Variants in UGT2A3 observed in about 807,000 individuals in gnomAD.
UGT2A3 encodes the protein UDP glucuronosyltransferase family 2 member A3.
UGT2A3 carries 55 observed loss-of-function variants against 44.1 expected under a neutral mutation model. The observed-to-expected ratio is 1.25, with a 90% CI of 1.00 to 1.56. The LOEUF (loss-of-function observed/expected upper bound fraction) is 1.56. UGT2A3 is among the 40% of genes most tolerant of loss of function. UGT2A3 has a pLI of 0.00. For missense variants in UGT2A3, 733 were observed against 621.6 expected (o/e 1.18, Z -1.91); for synonymous variants, 243 against 215.1 (o/e 1.13, Z -1.13).
At chr4:68,944,433 A>G (rs1047188293) in intron 2 of UGT2A3, among the ~76,000 whole-genome samples, 2 of 151,822 alleles carry the variant, frequency 1.3e-5, no homozygotes, top group Non-Finnish European at 2.9e-5. Context: ...CAGTGAACTC[A>G]AGACATACTT....
chr4:68,951,216 C>T lies in UGT2A3; in HGVS notation c.545G>A (p.Cys182Tyr), dbSNP rs1255921747. The change falls in exon 1 of 6, where the codon TGT (cysteine) becomes TAT (tyrosine). Residue 182 changes from cysteine to tyrosine, a missense_variant. Cys to Tyr is a radical substitution (Grantham distance 194, BLOSUM62 -2). Transcript: ENST00000251566. ...GGAAAGTGGAGCTGGAAGTTTCCCA[C>T]AGCTTCGCTCCATATTGCCTCCTAC... The part of the protein sequence containing the change: ...ISVGGNMERS[C>Y]GKLPAPLSYV... 1 of 1,611,846 alleles carries T rather than the reference C, an allele frequency of 6.2e-7. No homozygotes were observed. The highest frequency in any genetic ancestry group is 8.5e-7 in the Non-Finnish European group (1 of 1,178,952).
At chr4:68,944,394 A>G (rs1718306246) in intron 2 of UGT2A3, among the ~76,000 whole-genome samples, 1 of 151,844 alleles carries the variant, frequency 6.6e-6, no homozygotes, top group African/African-American at 2.4e-5. Flanking sequence ...TTGTCAGGTC[A>G]AGGCTAGAGC....
At chr4:68,945,778 T>C (rs1718366019) in intron 1 of UGT2A3, among the ~76,000 whole-genome samples, 1 of 151,348 alleles carries the variant, frequency 6.6e-6, no homozygotes, top group Non-Finnish European at 1.5e-5. Flanking sequence ...GATGGTTATA[T>C]TTAAGTGTAT....
At chr4:68,944,132 T>C (rs778854773) in intron 2 of UGT2A3, among the ~76,000 whole-genome samples, 2 of 151,834 alleles carry the variant, frequency 1.3e-5, no homozygotes, top group South Asian at 2.1e-4. Flanking sequence ...GTTTCTCCCA[T>C]GTTTTCTCAC....
At chr4:68,940,957 T>C (rs1474443904) in intron 2 of UGT2A3, among the ~76,000 whole-genome samples, 1 of 151,580 alleles carries the variant, frequency 6.6e-6, no homozygotes, top group African/African-American at 2.4e-5. Context: ...ATGTTAAAAT[T>C]TGATCCCCAA....
rs751423841 is a variant in UGT2A3, at chr4:68,932,798, A to G, written c.865-39T>C. On this transcript the variant is annotated intron_variant, in intron 2 of 5. Transcript: ENST00000251566. ...TTTATCTGCATTACAGAGGCATAAT[A>G]TAACAAAAATTAAAATAAAGGTTAC... The G allele has an allele frequency of 3.8e-6, 6 of 1,564,156 alleles. No homozygotes were observed. The South Asian group carries it at 7.1e-5, about 18-fold the overall frequency.
chr4:68,941,145 G>A (rs575591626), intron 2 of UGT2A3, among the ~76,000 whole-genome samples: 2 of 151,778 alleles, frequency 1.3e-5, no homozygotes, highest in African/African-American at 4.8e-5. Context: ...CTCTTGTCAT[G>A]AGACCTTTGC....
chr4:68,932,249 G>A (rs1681645315), intron 3 of UGT2A3, among the ~76,000 whole-genome samples: 1 of 151,338 alleles, frequency 6.6e-6, no homozygotes, highest in Non-Finnish European at 1.5e-5. Context: ...ACACAAATAT[G>A]AGAAGATATT....
intron 1 of UGT2A3, among the ~76,000 whole-genome samples, chr4:68,950,818 C>A (rs188677635): frequency 2.0e-5 from 3 of 151,702 alleles, no homozygotes; most frequent in Non-Finnish European, 4.4e-5. Flanking sequence ...GGAGGAAATA[C>A]AAAATATAAT....
At chr4:68,939,021 A>G (rs1330911119) in intron 2 of UGT2A3, among the ~76,000 whole-genome samples, 1 of 152,180 alleles carries the variant, frequency 6.6e-6, no homozygotes, top group Non-Finnish European at 1.5e-5. Context: ...AAGGAGTACT[A>G]CAAACCACTG....
At chr4:68,945,011 T>C (rs1008739483) in intron 2 of UGT2A3, among the ~76,000 whole-genome samples, 13 of 151,740 alleles carry the variant, frequency 8.6e-5, no homozygotes, top group African/African-American at 3.1e-4. Context: ...TAGAGCATTC[T>C]TTTTAGTGAT....
chr4:68,932,819 G>T (rs1285581180), intron 2 of UGT2A3, 60 bp from the exon 3 acceptor site: 23 of 1,496,328 alleles, frequency 1.5e-5, no homozygotes, highest in South Asian at 3.7e-5. Context: ...TAAAATAAAG[G>T]TTACTTACAC....
rs772753904 is a variant in UGT2A3 at position 68,948,430 on chromosome 4, C to CTTTTTCTTCTTTTT, written c.715+2615_715+2616insAAAAAGAAGAAAAA. Among the ~76,000 whole-genome samples the CTTTTTCTTCTTTTT allele has an allele frequency of 3.2e-4, 22 of 69,676 alleles. 1 individual carries two copies. Among genetic ancestry groups the CTTTTTCTTCTTTTT allele is most frequent in the Non-Finnish European group, 3.3e-4 (9 of 27,412 alleles). The allele number at this position is 69,676 out of a possible 152,430, so 45.7% of individuals were successfully genotyped here. A position where few individuals can be genotyped will look rare whatever the true frequency, so the allele number is the denominator to read the frequency against. On this transcript the variant is annotated intron_variant, in intron 1 of 5. Coordinates refer to ENST00000251566, the MANE Select transcript of UGT2A3 (RefSeq NM_024743.4). The stretch of plus-strand genomic sequence containing the variant: ...TGGTTGGTTTAATTTTTTTTCTTTT[C>CTTTTTCTTCTTTTT]TTTTTTTTCTTTTTTTTTTTTTTTT...
In UGT2A3 at chr4:68,950,297, T is replaced by C. The variant is rs144198630; in HGVS notation, c.715+749A>G. The stretch of plus-strand genomic sequence containing the variant: ...TCTGAATATTAGTTCTGTGAAACAG[T>C]CTATGCATAAGAATTCGTTGGAATA... On this transcript the variant is annotated intron_variant, in intron 1 of 5. Transcript: ENST00000251566. 3.4e-3 allele frequency among the ~76,000 whole-genome samples: 517 copies of C among 152,020 alleles called. 5 individuals carry two copies. The highest frequency in any genetic ancestry group is 0.012 in the African/African-American group (495 of 41,534).
In UGT2A3 at chr4:68,931,146, T is replaced by C. The variant is rs1273961926; in HGVS notation, c.1084+9A>G. 1.9e-6 allele frequency: 3 copies of C among 1,607,844 alleles called. No homozygotes were observed. Among genetic ancestry groups the C allele is most frequent in the Non-Finnish European group, 2.6e-6 (3 of 1,176,268 alleles). On this transcript the variant is annotated intron_variant, in intron 4 of 5. Transcript: ENST00000251566. ...TCTAGTTCATATTTTTACTTTCTCA[T>C]AGACCTACCAAGAAGATCATTCTGG...
rs1276580355 is a variant in UGT2A3 at position 68,931,172 on chromosome 4, G to A, written c.1067C>T (p.Pro356Leu). ...GANTRLYDWI[P>L]QNDLLGHPKT... ...AGACCTACCAAGAAGATCATTCTGG[G>A]GTATCCAATCATACAGCCGAGTATT... The change falls in exon 4 of 6, where the codon CCC becomes CTC. Residue 356 changes from proline (P) to leucine (L), a missense_variant. By Grantham distance (98) the Pro-to-Leu change is moderately conservative. Transcript: ENST00000251566. 5.0e-6 allele frequency: 8 copies of A among 1,612,164 alleles called. No homozygotes were observed. Among genetic ancestry groups the A allele is most frequent in the African/African-American group, 1.3e-5 (1 of 74,768 alleles).
chr4:68,944,561 A>G (rs1424719556), intron 2 of UGT2A3, among the ~76,000 whole-genome samples: 1 of 151,778 alleles, frequency 6.6e-6, no homozygotes, highest in Non-Finnish European at 1.5e-5. Context: ...TATAGTATAC[A>G]ATTTTATTTT....
chr4:68,942,812 G>T (rs1307007521), intron 2 of UGT2A3, among the ~76,000 whole-genome samples: 1 of 151,394 alleles, frequency 6.6e-6, no homozygotes, highest in Non-Finnish European at 1.5e-5. Flanking sequence ...GTTTAAATTT[G>T]GAAGAATATG....
intron 2 of UGT2A3, among the ~76,000 whole-genome samples, chr4:68,937,871 A>G (rs1448590859): frequency 6.6e-6 from 1 of 152,154 alleles, no homozygotes; most frequent in Non-Finnish European, 1.5e-5. Context: ...AAAAATGATA[A>G]AGAGGATATC....
Sources: gnomAD v4.1 joint callset for allele counts (sites outside exome capture counted in the v4.1 genomes callset) on GRCh38, gnomAD v4.1.1 for gene constraint, MANE v1.5 for transcripts, NCBI Gene and HGNC (gene_info 2026-07-23, HGNC 2026-07-21) for gene names.